Variants in LY96 observed in about 807,000 individuals in gnomAD.
The protein encoded by LY96 is lymphocyte antigen 96.
LY96 carries 18 observed loss-of-function variants against 18.9 expected under a neutral mutation model. The ratio of observed to expected loss-of-function variants is 0.95; its 90% CI spans 0.66 to 1.41. LY96 has a LOEUF of 1.41. Ranked by LOEUF, LY96 falls within the 40% of genes most tolerant of loss-of-function variation. LY96 has a pLI of 0.00. For synonymous variants in LY96, 66 were observed against 62.6 expected (o/e 1.06, Z -0.26); for missense variants, 175 against 182.4 (o/e 0.96, Z 0.23).
the LY96 span, among the ~76,000 whole-genome samples, chr8:74,068,083 A>ATATATATATAT: frequency 1.7e-4 from 16 of 95,830 alleles, no homozygotes; most frequent in African/African-American, 6.4e-4. Context: ...AAAAAAAAAA[A>ATATATATATAT]AAAAAAATAT....
chr8:74,093,830 T>G, the LY96 span, among the ~76,000 whole-genome samples: 2 of 152,204 alleles, frequency 1.3e-5, no homozygotes. Context: ...AATAATAATT[T>G]AAGATAGCAT....
At chr8:74,035,606 T>C in the LY96 span, among the ~76,000 whole-genome samples, 1 of 152,278 alleles carries the variant, frequency 6.6e-6, no homozygotes, top group African/African-American at 2.4e-5. Flanking sequence ...CATGCCTCAG[T>C]ATGCCCTCTT....
At chr8:74,087,304 C>T in the LY96 span, among the ~76,000 whole-genome samples, 195 of 152,266 alleles carry the variant, frequency 1.3e-3, 2 homozygotes, top group African/African-American at 4.4e-3. Context: ...CCTCCTGTGT[C>T]GACATCTTGG....
intron 1 of LY96, among the ~76,000 whole-genome samples, chr8:73,994,774 A>G (rs190323127): frequency 1.4e-4 from 22 of 152,338 alleles, no homozygotes; most frequent in African/African-American, 5.1e-4. Flanking sequence ...GGCCTGAGCC[A>G]CTGATTCCGG....
the LY96 span, among the ~76,000 whole-genome samples, chr8:74,068,487 G>C: frequency 6.6e-6 from 1 of 152,164 alleles, no homozygotes; most frequent in Non-Finnish European, 1.5e-5. Context: ...CCTAGGAGTA[G>C]AGCTACTGGG....
chr8:74,014,404 A>T (rs1162673862), intron 3 of LY96, among the ~76,000 whole-genome samples: 1 of 151,496 alleles, frequency 6.6e-6, no homozygotes, highest in Non-Finnish European at 1.5e-5. Context: ...GAAAAAAAAA[A>T]AAGCACCACA....
At chr8:74,087,004 G>A in the LY96 span, among the ~76,000 whole-genome samples, 1 of 152,218 alleles carries the variant, frequency 6.6e-6, no homozygotes, top group African/African-American at 2.4e-5. Flanking sequence ...CTAAGTCAGG[G>A]CATCTTTCAA....
At chr8:74,034,915 G>A in the LY96 span, among the ~76,000 whole-genome samples, 1 of 152,110 alleles carries the variant, frequency 6.6e-6, no homozygotes, top group Non-Finnish European at 1.5e-5. Flanking sequence ...TAAAACAAGG[G>A]ACTTTGCCTA....
At chr8:74,011,858 CAAAAA>C (rs570734407) in intron 3 of LY96, among the ~76,000 whole-genome samples, 1 of 65,422 alleles carries the variant, frequency 1.5e-5, no homozygotes, top group Non-Finnish European at 3.4e-5. Flanking sequence ...GACTCCATCT[CAAAAA>C]AAAAAAAAAA....
chr8:74,012,624 A>G (rs1816552404), intron 3 of LY96, among the ~76,000 whole-genome samples: 1 of 152,186 alleles, frequency 6.6e-6, no homozygotes, highest in South Asian at 2.1e-4. Flanking sequence ...TACACAACCT[A>G]TGCAGGTAAT....
intron 3 of LY96, among the ~76,000 whole-genome samples, chr8:74,012,381 CA>C (rs1816549009): frequency 6.6e-6 from 1 of 152,136 alleles, no homozygotes. Context: ...ATGTATTTTT[CA>C]GCAACATGGA....
At chr8:74,002,006 TCTTCCTTCCTTCCTTCCTTCCTTCCTTC>T (rs1222416498) in intron 1 of LY96, among the ~76,000 whole-genome samples, 23 of 24,134 alleles carry the variant, frequency 9.5e-4, no homozygotes, top group African/African-American at 1.7e-3. Context: ...TTTCTTCCTT[TCTTCCTTCCTTCCTTCCTTCCTTCCTTC>T]CTTCCTTCCT....
chr8:74,075,508 C>T, the LY96 span, among the ~76,000 whole-genome samples: 9 of 152,270 alleles, frequency 5.9e-5, no homozygotes, highest in East Asian at 1.9e-4. Flanking sequence ...TGGCTTCAAG[C>T]GATCCTCCTG....
the LY96 span, among the ~76,000 whole-genome samples, chr8:74,083,517 T>C: frequency 6.6e-6 from 1 of 152,056 alleles, no homozygotes; most frequent in Non-Finnish European, 1.5e-5. Context: ...CTTTAAAAAG[T>C]AACTGTAATA....
chr8:73,991,485 T>G lies in LY96; in HGVS notation c.43T>G (p.Phe15Val). ...LFFSTLFSSI[F>V]TEAQKQYWVC... ...TTTTTCCACCCTGTTTTCTTCCATA[T>G]TTACTGAAGCTCAGAAGCAGTATTG... The change falls in exon 1 of 5, where the codon TTT becomes GTT. Residue 15 changes from phenylalanine to valine, a missense_variant. By Grantham distance (50) the Phe-to-Val change is conservative. Transcript: ENST00000284818. 6.2e-7 allele frequency: 1 copy of G among 1,613,320 alleles called. No individual in the cohort carries two copies.
the LY96 span, among the ~76,000 whole-genome samples, chr8:74,080,982 CTCTCTTTCTTTCTTTCTTTCTT>C: frequency 6.3e-5 from 8 of 127,736 alleles, no homozygotes; most frequent in African/African-American, 2.6e-4. Context: ...CTTTCTTTCT[CTCTCTTTCTTTCTTTCTTTCTT>C]TCTTTCTTTC....
the LY96 span, among the ~76,000 whole-genome samples, chr8:74,065,154 GAT>G: frequency 7.9e-5 from 12 of 152,292 alleles, no homozygotes; most frequent in African/African-American, 2.9e-4. Context: ...TGATCTGTAA[GAT>G]CCCACTTCTA....
downstream of LY96, among the ~76,000 whole-genome samples, chr8:74,031,669 G>A (rs998542983): frequency 3.3e-5 from 5 of 151,128 alleles, no homozygotes; most frequent in Non-Finnish European, 7.4e-5. Context: ...TTTTAGTTAA[G>A]TGACTATTTA....
At chr8:74,098,070 G>T in the LY96 span, among the ~76,000 whole-genome samples, 1 of 152,136 alleles carries the variant, frequency 6.6e-6, no homozygotes, top group Non-Finnish European at 1.5e-5. Context: ...CCAATAAATA[G>T]CTGGGGGACT....
Sources: gnomAD v4.1 joint callset for allele counts (sites outside exome capture counted in the v4.1 genomes callset) on GRCh38, gnomAD v4.1.1 for gene constraint, MANE v1.5 for transcripts, NCBI Gene and HGNC (gene_info 2026-07-23, HGNC 2026-07-21) for gene names.